BCAS3: variants seen among roughly 807,000 people sequenced by gnomAD.
BCAS3 encodes BCAS3 microtubule associated cell migration factor, also known as BCAS4/BCAS3 fusion.
Under a neutral mutation model 116.1 loss-of-function variants are expected in BCAS3, and 53 were observed. The observed-to-expected ratio is 0.46, with a 90% CI of 0.37 to 0.57. BCAS3 has a LOEUF of 0.57. Ranked by LOEUF, BCAS3 falls within the 20% of genes least tolerant of loss-of-function variation. The pLI, the probability that BCAS3 is intolerant of heterozygous loss-of-function variation, is 0.00. For synonymous variants in BCAS3, 391 were observed against 408.2 expected, an observed-to-expected ratio of 0.96 and a Z score of 0.51; for missense variants, 917 against 1,165.4, an observed-to-expected ratio of 0.79 and a Z score of 3.10.
Position 61,219,156 on chromosome 17 carries a change from T to C in BCAS3, c.2425+134592T>C, listed in dbSNP as rs753763622. Among the ~76,000 whole-genome samples, 1 of 152,212 alleles carries C rather than the reference T, an allele frequency of 6.6e-6. No individual in the cohort carries two copies. Among genetic ancestry groups the C allele is most frequent in the Non-Finnish European group, 1.5e-5 (1 of 68,044 alleles). The stretch of plus-strand genomic sequence containing the variant: ...AAAAGCAAACAGGTCTGTAGCCTTT[T>C]TGAGAAGTGTTCACTCTTCTTATGG... On this transcript the variant is annotated intron_variant, in intron 22 of 23. Coordinates refer to ENST00000407086, the MANE Select transcript of BCAS3 (RefSeq NM_017679.5). The surrounding 1 kb of genome is among the most constrained non-coding windows in gnomAD (Gnocchi z 5.2).
intron 9 of BCAS3, among the ~76,000 whole-genome samples, chr17:60,881,275 G>T (rs999940649): frequency 5.9e-5 from 9 of 151,812 alleles, no homozygotes; most frequent in African/African-American, 2.2e-4. Flanking sequence ...CACCTGGCCT[G>T]GTCTTTTCAC....
chr17:60,810,236 A>G (rs894524068), intron 7 of BCAS3: 5 of 434,382 alleles, frequency 1.2e-5, no homozygotes, highest in African/African-American at 2.1e-5. Context: ...GTGCCCAGCT[A>G]TGGCACCCAG....
chr17:61,032,285 A>C lies in BCAS3; in HGVS notation c.1638-2381A>C. On this transcript the variant is annotated intron_variant, in intron 16 of 23. Transcript: ENST00000407086. The surrounding 1 kb of genome is among the most constrained non-coding windows in gnomAD (Gnocchi z 4.6). ...TGCAAAGAGCTTTGAGTTTGTCCCA[A>C]TGAAGCTTGTTGGTACATTGTAGTA... Among the ~76,000 whole-genome samples, 1 of 152,172 alleles carries C rather than the reference A, an allele frequency of 6.6e-6. No homozygotes were observed. Among genetic ancestry groups the C allele is most frequent in the South Asian group, 2.1e-4 (1 of 4,838 alleles).
In BCAS3 at chr17:61,226,506, C is replaced by T. The variant is rs370326881; in HGVS notation, c.2426-141821C>T. Among the ~76,000 whole-genome samples the T allele has an allele frequency of 5.3e-5, 8 of 152,114 alleles. No individual in the cohort carries two copies. The highest frequency in any genetic ancestry group is 3.9e-4 in the East Asian group (2 of 5,188). On this transcript the variant is annotated intron_variant, in intron 22 of 23. Transcript: ENST00000407086. The surrounding 1 kb of genome is among the most constrained non-coding windows in gnomAD (Gnocchi z 6.0). ...CACTTTGCTGTAGGACAGGGCCTAG[C>T]CCATAATAGGCATGCAGTTCTTATT...
intron 4 of BCAS3, among the ~76,000 whole-genome samples, chr17:60,698,974 C>T (rs1248382016): frequency 6.6e-6 from 1 of 152,038 alleles, no homozygotes; most frequent in African/African-American, 2.4e-5. Flanking sequence ...GAGAGAATTG[C>T]TTGAACCTGG....
At position 61,324,569 on chromosome 17, in the gene BCAS3, A is replaced by G. The variant is rs545632096; in HGVS notation, c.2426-43758A>G. Among the ~76,000 whole-genome samples the G allele has an allele frequency of 1.1e-4, 16 of 152,354 alleles. No individual in the cohort carries two copies. Among genetic ancestry groups the G allele is most frequent in the African/African-American group, 3.8e-4 (16 of 41,588 alleles). ...AAATCAAACTGAAATCGCCTCCAAA[A>G]GGAAGGCAGCACTGAATGACAGTAA... On this transcript the variant is annotated intron_variant, in intron 22 of 23. Coordinates refer to ENST00000407086, the MANE Select transcript of BCAS3 (RefSeq NM_017679.5). The surrounding 1 kb of genome is among the most constrained non-coding windows in gnomAD (Gnocchi z 4.6).
In BCAS3 at chr17:60,990,137, G is replaced by A; in HGVS notation, c.1388G>A (p.Gly463Glu). 2 of 1,614,148 alleles carry A rather than the reference G, an allele frequency of 1.2e-6. No homozygotes were observed. The highest frequency in any genetic ancestry group is 8.5e-7 in the Non-Finnish European group (1 of 1,180,034). The change falls in exon 15 of 24, where the codon GGA (glycine) becomes GAA (glutamate). Residue 463 changes from glycine (G) to glutamate (E), a missense_variant. This residue lies in a region of BCAS3 where 807 missense variants were observed against 1,026.0 expected (regional missense o/e 0.79). Coordinates refer to ENST00000407086, the MANE Select transcript of BCAS3 (RefSeq NM_017679.5). The surrounding 1 kb of genome is among the most constrained non-coding windows in gnomAD (Gnocchi z 5.1). ...ATGAGCCGTTTCCAGAAAAGTGCTG[G>A]ACTGGAAGAGATTGAACAAGAACTG... ...NRMSRFQKSAGLEEIEQELTS... is the reference protein window; with the variant it reads ...NRMSRFQKSAELEEIEQELTS...
In BCAS3 at chr17:61,308,125, C is replaced by T. The variant is rs1185547948; in HGVS notation, c.2426-60202C>T. Among the ~76,000 whole-genome samples the T allele has an allele frequency of 4.7e-5, 7 of 149,474 alleles. No homozygotes were observed. In the East Asian group the frequency reaches 1.3e-3, roughly 29 times the overall value. ...AGGCGTTGGAGTTCACGCATCCCAG[C>T]ACTGTAAACAACAGCATGGGCACAA... On this transcript the variant is annotated intron_variant, in intron 22 of 23. Transcript: ENST00000407086.
rs1031195090 is a variant in BCAS3 at position 61,243,961 on chromosome 17, G to GT, written c.2426-124356dup. On this transcript the variant is annotated intron_variant, in intron 22 of 23. Coordinates refer to ENST00000407086, the MANE Select transcript of BCAS3 (RefSeq NM_017679.5). This position sits in a 1 kb window ranked among gnomAD's most constrained non-coding sequence, Gnocchi z 5.6. ...CTACCACAACCTGCTAATTTTTTAA[G>GT]TTTTTTTTTTCAAGAGACAGAGTCT... is the stretch of plus-strand genomic sequence containing the variant. 1.7e-4 allele frequency among the ~76,000 whole-genome samples: 26 copies of GT among 149,310 alleles called. No homozygotes were observed. The highest frequency in any genetic ancestry group is 2.0e-4 in the African/African-American group (8 of 40,790).
chr17:60,926,523 G>A (rs147930775), intron 13 of BCAS3, among the ~76,000 whole-genome samples: 212 of 152,222 alleles, frequency 1.4e-3, no homozygotes, highest in South Asian at 3.5e-3. Flanking sequence ...TATAGTGATT[G>A]GTAATCAGTA....
Position 61,256,979 on chromosome 17 carries a change from T to A in BCAS3, c.2426-111348T>A, listed in dbSNP as rs2048826567. The stretch of plus-strand genomic sequence containing the variant: ...CTACCAAAATCAAGATTTTTGGATT[T>A]AAAAAAAAATTTACATTATGCTTTT... On this transcript the variant is annotated intron_variant, in intron 22 of 23. Transcript: ENST00000407086. The surrounding 1 kb of genome is among the most constrained non-coding windows in gnomAD (Gnocchi z 5.6). 6.6e-6 allele frequency among the ~76,000 whole-genome samples: 1 copy of A among 151,888 alleles called. No homozygotes were observed. The highest frequency in any genetic ancestry group is 1.5e-5 in the Non-Finnish European group (1 of 67,942).
In BCAS3 at chr17:61,356,242, C is replaced by T. The variant is rs2058132319; in HGVS notation, c.2426-12085C>T. 6.6e-6 allele frequency among the ~76,000 whole-genome samples: 1 copy of T among 152,206 alleles called. No homozygotes were observed. The highest frequency in any genetic ancestry group is 1.5e-5 in the Non-Finnish European group (1 of 68,034). ...CTCCTGACCTCAGGTGATCCACACG[C>T]CTCGGCCTCCCAAAGTGCTGGGATT... On this transcript the variant is annotated intron_variant, in intron 22 of 23. Transcript: ENST00000407086. This position sits in a 1 kb window ranked among gnomAD's most constrained non-coding sequence, Gnocchi z 5.4.
chr17:61,033,545 T>G (rs954606853), intron 16 of BCAS3, among the ~76,000 whole-genome samples: 1 of 152,194 alleles, frequency 6.6e-6, no homozygotes, highest in African/African-American at 2.4e-5. Context: ...ACTCCAAAAC[T>G]ATCTCTTTCC....
intron 4 of BCAS3, among the ~76,000 whole-genome samples, chr17:60,703,333 A>G (rs1006929609): frequency 1.3e-5 from 2 of 152,034 alleles, no homozygotes; most frequent in Non-Finnish European, 2.9e-5. Context: ...TCACCCTTGT[A>G]ATCCCAGCAC....
chr17:60,840,080 G>A (rs529551715), intron 7 of BCAS3, among the ~76,000 whole-genome samples: 1 of 151,194 alleles, frequency 6.6e-6, no homozygotes, highest in South Asian at 2.1e-4. Flanking sequence ...ACATTGTCCA[G>A]GTTAAGAATG....
intron 13 of BCAS3, among the ~76,000 whole-genome samples, chr17:60,946,814 G>A (rs1438810785): frequency 1.3e-5 from 2 of 152,072 alleles, no homozygotes; most frequent in African/African-American, 2.4e-5. Context: ...GGGAGGCTGA[G>A]GCAGGAGGAT....
chr17:60,839,055 G>A (rs1282879839), intron 7 of BCAS3, among the ~76,000 whole-genome samples: 1 of 152,118 alleles, frequency 6.6e-6, no homozygotes, highest in Non-Finnish European at 1.5e-5. Context: ...AGTAGATAAT[G>A]TATGTATTTA....
intron 15 of BCAS3, among the ~76,000 whole-genome samples, chr17:61,005,877 A>G (rs1309944551): frequency 6.7e-6 from 1 of 150,274 alleles, no homozygotes; most frequent in East Asian, 2.0e-4. Flanking sequence ...TACATGTGCC[A>G]TGCTGGTGGG....
chr17:61,277,683 G>T (rs1277019937), intron 22 of BCAS3, among the ~76,000 whole-genome samples: 15 of 152,186 alleles, frequency 9.9e-5, no homozygotes, highest in Non-Finnish European at 7.4e-5. Context: ...AATGGGCAAA[G>T]GATCTGAATA....
Sources: gnomAD v4.1 joint callset for allele counts (sites outside exome capture counted in the v4.1 genomes callset) on GRCh38, gnomAD v4.1.1 for gene constraint, gnomAD v4.1.1 regional missense constraint, Gnocchi (gnomAD v3.1) non-coding constraint, MANE v1.5 for transcripts, NCBI Gene and HGNC (gene_info 2026-07-23, HGNC 2026-07-21) for gene names.